The following UPRT variants were observed in gnomAD, a reference collection of about 807,000 sequenced individuals.
UPRT encodes the protein uracil phosphoribosyltransferase homolog, also known as RP11-311P8.3.
In UPRT, 5 loss-of-function variants were observed where a neutral mutation model predicts 22.6. The observed-to-expected ratio is 0.22, with a 90% CI of 0.12 to 0.47. The LOEUF (loss-of-function observed/expected upper bound fraction) is 0.47, where lower values mean the gene tolerates loss of function less well. Ranked by LOEUF, UPRT falls within the 20% of genes least tolerant of loss-of-function variation. The pLI is 0.99. For missense variants in UPRT, 181 were observed against 239.9 expected (o/e 0.75, Z 1.62); for synonymous variants, 77 against 87.7 (o/e 0.88, Z 0.68).
At chrX:75,286,147 G>A (rs892974189) in intron 1 of UPRT, among the ~76,000 whole-genome samples, 1 of 111,381 alleles carries the variant, frequency 9.0e-6, no homozygotes, top group Non-Finnish European at 1.9e-5. Flanking sequence ...AAGCACATTA[G>A]AGCTGAGTTT....
intron 4 of UPRT, among the ~76,000 whole-genome samples, chrX:75,223,173 C>T (rs1446469363): frequency 9.1e-6 from 1 of 109,865 alleles, no homozygotes; most frequent in Admixed American, 9.8e-5. Context: ...ATGACTCTGT[C>T]AGCTGCCCTA....
chrX:75,253,281 T>C (rs1377041599), intron 4 of UPRT, among the ~76,000 whole-genome samples: 1 of 112,098 alleles, frequency 8.9e-6, no homozygotes, highest in Non-Finnish European at 1.9e-5. Context: ...AAAGAGTACA[T>C]ATGTGCAACC....
At chrX:75,244,423 T>G (rs752421731) in intron 4 of UPRT, among the ~76,000 whole-genome samples, 1 of 111,931 alleles carries the variant, frequency 8.9e-6, no homozygotes, top group Non-Finnish European at 1.9e-5. Context: ...CTATTTTAAG[T>G]TTCATATGGA....
intron 4 of UPRT, 31 bp from the exon 5 acceptor site, chrX:75,299,704 A>G: frequency 8.4e-7 from 1 of 1,184,857 alleles, no homozygotes; most frequent in Non-Finnish European, 1.1e-6. Context: ...TCTTTCCCCT[A>G]ATCTTTTTTC....
intron 4 of UPRT, among the ~76,000 whole-genome samples, chrX:75,245,733 C>A (rs757355545): frequency 1.8e-5 from 2 of 111,434 alleles, no homozygotes; most frequent in Non-Finnish European, 3.8e-5. Flanking sequence ...TAAGTGGGAG[C>A]TAAACACTGA....
intron 4 of UPRT, among the ~76,000 whole-genome samples, chrX:75,242,083 A>T (rs1281952013): frequency 9.0e-6 from 1 of 111,040 alleles, no homozygotes; most frequent in Non-Finnish European, 1.9e-5. Flanking sequence ...ATAATAATAA[A>T]AAGCACAACA....
intron 4 of UPRT, among the ~76,000 whole-genome samples, chrX:75,183,874 G>A (rs762823079): frequency 2.7e-5 from 3 of 111,909 alleles, no homozygotes; most frequent in Admixed American, 1.9e-4. Flanking sequence ...GGGGTTGTTT[G>A]TTTTTTTCTT....
intron 4 of UPRT, among the ~76,000 whole-genome samples, chrX:75,217,877 A>G (rs2082397946): frequency 1.8e-5 from 2 of 112,261 alleles, no homozygotes; most frequent in Non-Finnish European, 3.8e-5. Flanking sequence ...ACCTTATACA[A>G]AAATTAATTC....
At chrX:75,297,406 T>C in intron 3 of UPRT, 85 bp from the exon 4 acceptor site, 1 of 980,533 alleles carries the variant, frequency 1.0e-6, no homozygotes. Context: ...TTTGTGCCCA[T>C]CTACTTTAAA....
chrX:75,257,567 G>A (rs1420402082), intron 4 of UPRT, among the ~76,000 whole-genome samples: 1 of 111,735 alleles, frequency 8.9e-6, no homozygotes, highest in East Asian at 2.8e-4. Context: ...TCGATAAAGA[G>A]AAAGTTAAAC....
chrX:75,172,721 A>T (rs1169867125), intron 4 of UPRT, among the ~76,000 whole-genome samples: 1 of 109,615 alleles, frequency 9.1e-6, no homozygotes, highest in Non-Finnish European at 1.9e-5. Flanking sequence ...GTGAAGCTGC[A>T]GACTTTCGCG....
intron 4 of UPRT, among the ~76,000 whole-genome samples, chrX:75,267,934 G>C (rs1336856189): frequency 9.0e-6 from 1 of 111,005 alleles, no homozygotes; most frequent in Non-Finnish European, 1.9e-5. Context: ...AGGAGATAGA[G>C]ACACAAAAAA....
intron 4 of UPRT, among the ~76,000 whole-genome samples, chrX:75,185,753 G>A (rs1233139070): frequency 2.1e-4 from 23 of 111,555 alleles, no homozygotes; most frequent in African/African-American, 7.5e-4. Context: ...GTCTTGGGAG[G>A]GTGTATGTGT....
At chrX:75,190,184 A>G (rs771937855) in intron 4 of UPRT, among the ~76,000 whole-genome samples, 3 of 111,455 alleles carry the variant, frequency 2.7e-5, no homozygotes, top group South Asian at 7.6e-4. Flanking sequence ...TGGTGACAAA[A>G]TCTCTCAGCA....
At chrX:75,256,296 T>TA (rs1416663050) in intron 4 of UPRT, among the ~76,000 whole-genome samples, 6 of 111,713 alleles carry the variant, frequency 5.4e-5, no homozygotes, top group Non-Finnish European at 1.1e-4. Flanking sequence ...AGATGGAAAT[T>TA]AAAAAATTCT....
intron 1 of UPRT, among the ~76,000 whole-genome samples, chrX:75,285,995 G>T (rs2082678219): frequency 9.0e-6 from 1 of 110,935 alleles, no homozygotes; most frequent in Non-Finnish European, 1.9e-5. Flanking sequence ...CTATATTTTA[G>T]TGATCACATA....
In UPRT at chrX:75,276,190, A is replaced by G. The variant is rs769645591; in HGVS notation, c.386+1550A>G. Among the ~76,000 whole-genome samples the G allele has an allele frequency of 3.6e-5, 4 of 111,955 alleles. No homozygotes were observed. In the East Asian group the frequency reaches 1.1e-3, roughly 32 times the overall value. On this transcript the variant is annotated intron_variant, in intron 1 of 6. Coordinates refer to ENST00000373383, the MANE Select transcript of UPRT (RefSeq NM_145052.4). Reference sequence around the variant, plus strand: ...CACCTCTGCCAAGAAGCTTCCCTTTAATCATTATTCCTGGCTTATCTTCCC... The same window carrying G: ...CACCTCTGCCAAGAAGCTTCCCTTTGATCATTATTCCTGGCTTATCTTCCC...
At chrX:75,249,321 G>A (rs1286396698) in intron 4 of UPRT, among the ~76,000 whole-genome samples, 16 of 111,249 alleles carry the variant, frequency 1.4e-4, no homozygotes, top group South Asian at 1.1e-3. Flanking sequence ...CCCATCTCAC[G>A]TGCAGAGAAA....
intron 4 of UPRT, among the ~76,000 whole-genome samples, chrX:75,188,410 C>T (rs1339145760): frequency 8.9e-6 from 1 of 112,002 alleles, no homozygotes; most frequent in African/African-American, 3.2e-5. Flanking sequence ...GCTGGGAGAA[C>T]CACTGCTCTC....
Sources: gnomAD v4.1 joint callset for allele counts (sites outside exome capture counted in the v4.1 genomes callset) on GRCh38, gnomAD v4.1.1 for gene constraint, MANE v1.5 for transcripts, NCBI Gene and HGNC (gene_info 2026-07-23, HGNC 2026-07-21) for gene names.